FAH: variants seen among roughly 807,000 people sequenced by gnomAD.
The protein encoded by FAH is fumarylacetoacetase.
A neutral mutation model predicts 55.8 loss-of-function variants in FAH; 47 were observed. That is an observed-to-expected ratio of 0.84 (90% CI 0.67 to 1.07). The LOEUF is 1.07. FAH is among the 50% of genes least tolerant of loss of function. FAH has a pLI of 0.00. For missense variants in FAH, 495 were observed against 545.9 expected (o/e 0.91, Z 0.93); for synonymous variants, 199 against 207.7 (o/e 0.96, Z 0.36).
chr15:80,161,390 T>C (rs1595891024), intron 4 of FAH, among the ~76,000 whole-genome samples: 1 of 151,840 alleles, frequency 6.6e-6, no homozygotes, highest in East Asian at 2.0e-4. Flanking sequence ...TGTGGACTGT[T>C]CTTCCTCTCC....
chr15:80,161,796 G>T (rs559814006), intron 4 of FAH, among the ~76,000 whole-genome samples: 1 of 152,362 alleles, frequency 6.6e-6, no homozygotes, highest in South Asian at 2.1e-4. Context: ...AGGGGGAAGA[G>T]ATCCTGCTAG....
intron 9 of FAH, chr15:80,173,443 T>C: frequency 2.0e-6 from 1 of 499,650 alleles, no homozygotes; most frequent in Non-Finnish European, 3.7e-6. Context: ...GAGGAGTCCC[T>C]GCAGGTACCA....
In FAH at chr15:80,162,284, A is replaced by T; in HGVS notation, c.403A>T (p.Thr135Ser). ...TDFYSSRQHA[T>S]NVGIMFRDKE... is the part of the protein sequence containing the mutation. The stretch of plus-strand genomic sequence containing the variant: ...CTTCTATTCCTCTCGGCAGCATGCT[A>T]CCAACGTCGGAATCATGTTCAGGGA... Residue 135 changes from threonine to serine, a missense_variant, in exon 5 of 14, where the codon ACC becomes TCC. Coordinates refer to ENST00000561421, the MANE Select transcript of FAH (RefSeq NM_000137.4). The T allele has an allele frequency of 6.2e-7, 1 of 1,614,198 alleles. No individual in the cohort carries two copies. Among genetic ancestry groups the T allele is most frequent in the Non-Finnish European group, 8.5e-7 (1 of 1,180,034 alleles).
downstream of FAH, chr15:80,186,592 A>G (rs989782813): frequency 1.1e-5 from 3 of 282,924 alleles, no homozygotes; most frequent in African/African-American, 6.6e-5. Context: ...AGATCGATTT[A>G]TTGATTGATT....
intron 13 of FAH, among the ~76,000 whole-genome samples, chr15:80,183,809 A>C (rs2142110735): frequency 6.6e-6 from 1 of 152,212 alleles, no homozygotes; most frequent in African/African-American, 2.4e-5. Context: ...TACTGTCTCT[A>C]TTTTTCAGAT....
At chr15:80,176,315 C>A (rs534064118) in intron 10 of FAH, among the ~76,000 whole-genome samples, 3 of 152,232 alleles carry the variant, frequency 2.0e-5, no homozygotes, top group Admixed American at 6.5e-5. Flanking sequence ...CATGCCCGGC[C>A]AGCTCCATTT....
chr15:80,179,978 G>A (rs903069686), intron 11 of FAH, 146 bp from the exon 12 acceptor site: 34 of 694,578 alleles, frequency 4.9e-5, no homozygotes, highest in Non-Finnish European at 8.3e-5. Flanking sequence ...TACTATAAGG[G>A]ACTGGAGAGA....
chr15:80,173,143 AG>A lies in FAH; in HGVS notation c.837+1del. 1 of 1,614,208 alleles carries A rather than the reference AG, an allele frequency of 6.2e-7. No homozygotes were observed. Among genetic ancestry groups the A allele is most frequent in the South Asian group, 1.1e-5 (1 of 91,084 alleles). On this transcript the variant is annotated frameshift_variant and splice_region_variant, in exon 9 of 14. Transcript: ENST00000561421. LOFTEE classifies it high-confidence loss of function. The part of the protein sequence containing the change: ...LMPFAVPNPK[Q>X]DPRPLPYLCH... Reference sequence around the variant, plus strand: ...CCCTTTGCTGTGCCCAACCCGAAGCAGGTAAGCACATTCTCTGCAGGAAGCT... The same window carrying A: ...CCCTTTGCTGTGCCCAACCCGAAGCAGTAAGCACATTCTCTGCAGGAAGCT...
At chr15:80,181,881 G>C (rs138500421) in intron 13 of FAH, among the ~76,000 whole-genome samples, 3 of 152,172 alleles carry the variant, frequency 2.0e-5, no homozygotes, top group Non-Finnish European at 4.4e-5. Context: ...CCGAGTAGCT[G>C]GGATTACAGG....
At chr15:80,155,873 T>A in intron 1 of FAH, 1 of 471,468 alleles carries the variant, frequency 2.1e-6, no homozygotes. Flanking sequence ...ATAAGAAAGA[T>A]CAAAGACTTT....
rs757288883 is a variant in FAH, at chr15:80,173,097, G to A, written c.790G>A (p.Val264Met). Residue 264 changes from valine (V) to methionine (M), a missense_variant, in exon 9 of 14, where the codon GTG becomes ATG. Coordinates refer to ENST00000561421, the MANE Select transcript of FAH (RefSeq NM_000137.4). Reference sequence around the variant, plus strand: ...TGGGACCACTGTCTCTCCGTGGGTGGTGCCCATGGATGCTCTCATGCCCTT... The same window carrying A: ...TGGGACCACTGTCTCTCCGTGGGTGATGCCCATGGATGCTCTCATGCCCTT... ...SFGTTVSPWVVPMDALMPFAV... is the reference protein window; with the variant it reads ...SFGTTVSPWVMPMDALMPFAV... 6.2e-7 allele frequency: 1 copy of A among 1,614,024 alleles called. No homozygotes were observed. The highest frequency in any genetic ancestry group is 8.5e-7 in the Non-Finnish European group (1 of 1,180,002).
chr15:80,161,655 T>A (rs2041149936), intron 4 of FAH, among the ~76,000 whole-genome samples: 1 of 152,000 alleles, frequency 6.6e-6, no homozygotes, highest in African/African-American at 2.4e-5. Context: ...TCGGGCAGAG[T>A]CCAAGAAAAT....
intron 7 of FAH, 54 bp from the exon 8 acceptor site, chr15:80,172,095 G>C (rs2041245594): frequency 7.5e-7 from 1 of 1,332,342 alleles, no homozygotes; most frequent in African/African-American, 1.4e-5. Flanking sequence ...TAGGTGACAA[G>C]TGACCTGGGC....
intron 1 of FAH, 98 bp from the exon 2 acceptor site, chr15:80,157,962 G>A: frequency 1.2e-6 from 1 of 859,282 alleles, no homozygotes; most frequent in East Asian, 2.4e-5. Flanking sequence ...CACCTAAAGG[G>A]GGACCTGTGG....
chr15:80,181,920 G>A (rs1485008675), intron 13 of FAH, among the ~76,000 whole-genome samples: 3 of 152,084 alleles, frequency 2.0e-5, no homozygotes, highest in African/African-American at 4.8e-5. Context: ...GTCAGTTTCC[G>A]TGCTTAACTA....
chr15:80,154,842 C>T (rs2041084635), intron 1 of FAH, among the ~76,000 whole-genome samples: 2 of 152,160 alleles, frequency 1.3e-5, no homozygotes, highest in South Asian at 2.1e-4. Flanking sequence ...GTAAGGTGTA[C>T]AGGGGTGCTC....
intron 9 of FAH, among the ~76,000 whole-genome samples, chr15:80,173,981 C>T (rs967791586): frequency 4.6e-5 from 7 of 152,172 alleles, no homozygotes; most frequent in Non-Finnish European, 7.3e-5. Flanking sequence ...ACTGCTCTCC[C>T]ATGCTCCTCT....
At chr15:80,173,182 C>T (rs373850404) in intron 9 of FAH, 38 bp downstream of exon 9, 4 of 1,614,100 alleles carry the variant, frequency 2.5e-6, no homozygotes, top group Non-Finnish European at 3.4e-6. Flanking sequence ...CAAACCCAGC[C>T]CTGCTGCCTC....
Position 80,158,185 on chromosome 15 carries a change from A to C in FAH, c.192+15A>C, listed in dbSNP as rs1479502724. On this transcript the variant is annotated intron_variant, in intron 2 of 13. Transcript: ENST00000561421. ...TCTTCAATCAGGTAGGACATTGTGA[A>C]ACGACTTGTCCCTGACCTCAGTGGC... 1 of 1,570,342 alleles carries C rather than the reference A, an allele frequency of 6.4e-7. No individual in the cohort carries two copies. The highest frequency in any genetic ancestry group is 8.8e-7 in the Non-Finnish European group (1 of 1,140,154).
Sources: allele counts gnomAD v4.1 joint callset (sites outside exome capture counted in the v4.1 genomes callset), GRCh38; gene constraint gnomAD v4.1.1; transcripts MANE v1.5; gene names NCBI Gene and HGNC (gene_info 2026-07-23, HGNC 2026-07-21).